The following KIRREL3 variants were observed in gnomAD, a reference collection of about 807,000 sequenced individuals.
KIRREL3 encodes kin of IRRE-like protein 3.
Under a neutral mutation model 89.7 loss-of-function variants are expected in KIRREL3, and 36 were observed. The observed-to-expected ratio is 0.40, with a 90% CI of 0.31 to 0.53. The LOEUF (loss-of-function observed/expected upper bound fraction) is 0.53, where lower values mean the gene tolerates loss of function less well. KIRREL3 is among the 20% of genes least tolerant of loss of function. The pLI, the probability that KIRREL3 is intolerant of heterozygous loss-of-function variation, is 0.49. For missense variants in KIRREL3, 864 were observed against 1,056.6 expected (o/e 0.82, Z 2.53); for synonymous variants, 445 against 441.4 (o/e 1.01, Z -0.10).
chr11:126,948,463 C>T lies in KIRREL3; in HGVS notation c.55+51992G>A, dbSNP rs1290020274. Reference sequence around the variant, plus strand: ...AGAACAGCGGGGTAGACTAGAAATACTATGCAGGGACTCTTGTTCATAGTG... The same window carrying T: ...AGAACAGCGGGGTAGACTAGAAATATTATGCAGGGACTCTTGTTCATAGTG... On this transcript the variant is annotated intron_variant, in intron 1 of 16. Coordinates refer to ENST00000525144, the MANE Select transcript of KIRREL3 (RefSeq NM_032531.4). The surrounding 1 kb of genome is among the most constrained non-coding windows in gnomAD (Gnocchi z 4.5). Among the ~76,000 whole-genome samples, 7 of 152,256 alleles carry T rather than the reference C, an allele frequency of 4.6e-5. No homozygotes were observed. Among genetic ancestry groups the T allele is most frequent in the Non-Finnish European group, 1.0e-4 (7 of 68,024 alleles).
chr11:126,448,565 T>C (rs1745146178), intron 8 of KIRREL3, among the ~76,000 whole-genome samples: 1 of 152,168 alleles, frequency 6.6e-6, no homozygotes, highest in African/African-American at 2.4e-5. Context: ...GAGGAGGAGC[T>C]TTGCAGGGGC....
intron 1 of KIRREL3, among the ~76,000 whole-genome samples, chr11:126,660,554 A>ATTAT (rs1945350161): frequency 2.0e-5 from 3 of 152,304 alleles, no homozygotes; most frequent in African/African-American, 7.2e-5. Context: ...CCAGGAAGGG[A>ATTAT]ACCCATTGCC....
Position 126,456,491 on chromosome 11 carries a change from A to G in KIRREL3, c.743-37T>C, listed in dbSNP as rs1166976807. ...GGAGAGTCACTTGTAGACCGGAGAA[A>G]GAATGGGGGCAGGGAGATCCTGGGC... On this transcript the variant is annotated intron_variant, in intron 6 of 16. Coordinates refer to ENST00000525144, the MANE Select transcript of KIRREL3 (RefSeq NM_032531.4). The G allele has an allele frequency of 4.4e-6, 6 of 1,358,556 alleles. No individual in the cohort carries two copies. The South Asian group carries it at 5.0e-5, about 11-fold the overall frequency. The allele number at this position is 1,358,556 out of a possible 1,614,324, so 84.2% of individuals were successfully genotyped here.
At position 126,687,737 on chromosome 11, in the gene KIRREL3, G is replaced by A. The variant is rs960928394; in HGVS notation, c.56-124825C>T. On this transcript the variant is annotated intron_variant, in intron 1 of 16. Transcript: ENST00000525144. The surrounding 1 kb of genome is among the most constrained non-coding windows in gnomAD (Gnocchi z 4.6). ...GGGATACAAAGATAAGTGCTCTGAG[G>A]CCCCTATTCTCAGAGTGCTCAGTCC... 6.6e-6 allele frequency among the ~76,000 whole-genome samples: 1 copy of A among 152,178 alleles called. No individual in the cohort carries two copies. Among genetic ancestry groups the A allele is most frequent in the Non-Finnish European group, 1.5e-5 (1 of 68,034 alleles).
At chr11:126,707,775 A>G (rs552445749) in intron 1 of KIRREL3, among the ~76,000 whole-genome samples, 1 of 151,702 alleles carries the variant, frequency 6.6e-6, no homozygotes, top group Admixed American at 6.5e-5. Context: ...TTTCTCCCAG[A>G]CTAGAAAAAT....
At chr11:126,887,972 G>A (rs918155625) in intron 1 of KIRREL3, among the ~76,000 whole-genome samples, 4 of 152,138 alleles carry the variant, frequency 2.6e-5, no homozygotes, top group African/African-American at 9.7e-5. Flanking sequence ...CTCAGTGAGT[G>A]GTCTTGGGCA....
chr11:126,844,669 C>A lies in KIRREL3; in HGVS notation c.55+155786G>T, dbSNP rs1317475623. Among the ~76,000 whole-genome samples, 1 of 152,152 alleles carries A rather than the reference C, an allele frequency of 6.6e-6. No homozygotes were observed. Among genetic ancestry groups the A allele is most frequent in the Non-Finnish European group, 1.5e-5 (1 of 68,008 alleles). ...AAGATTTAGGGAATTAGAGGCCTCT[C>A]TTGGTAAAGTCTCTCTCAGCTAAGA... On this transcript the variant is annotated intron_variant, in intron 1 of 16. Coordinates refer to ENST00000525144, the MANE Select transcript of KIRREL3 (RefSeq NM_032531.4). The surrounding 1 kb of genome is among the most constrained non-coding windows in gnomAD (Gnocchi z 4.8).
Position 126,563,565 on chromosome 11 carries a change from C to T in KIRREL3, c.56-653G>A, listed in dbSNP as rs78903565. On this transcript the variant is annotated intron_variant, in intron 1 of 16. Coordinates refer to ENST00000525144, the MANE Select transcript of KIRREL3 (RefSeq NM_032531.4). The surrounding 1 kb of genome is among the most constrained non-coding windows in gnomAD (Gnocchi z 6.8). ...CCCAATTTAGCACCATCATCAAGCA[C>T]TTATGAAATGTAGACTTAGAGCACA... Among the ~76,000 whole-genome samples the T allele has an allele frequency of 0.012, 1,825 of 152,256 alleles. 36 individuals are homozygous for T. Among genetic ancestry groups the T allele is most frequent in the African/African-American group, 0.041 (1,721 of 41,532 alleles).
At chr11:126,618,130 C>T (rs997690572) in intron 1 of KIRREL3, among the ~76,000 whole-genome samples, 8 of 152,214 alleles carry the variant, frequency 5.3e-5, no homozygotes, top group East Asian at 1.9e-4. Context: ...CCCCACTCCC[C>T]TCTCCTCCTG....
At chr11:126,840,210 C>T (rs891541034) in intron 1 of KIRREL3, among the ~76,000 whole-genome samples, 7 of 152,128 alleles carry the variant, frequency 4.6e-5, no homozygotes, top group Non-Finnish European at 2.9e-5. Context: ...GCATCTCATG[C>T]ATATTTCAAC....
chr11:126,626,481 T>C (rs1437316193), intron 1 of KIRREL3, among the ~76,000 whole-genome samples: 1 of 152,204 alleles, frequency 6.6e-6, no homozygotes, highest in East Asian at 1.9e-4. Context: ...AGCAGAGGTC[T>C]GGAGGGCTCC....
rs962267460 is a variant in KIRREL3 at position 126,428,288 on chromosome 11, G to A, written c.1806+891C>T. ...TGCTGCCTCCACTCCAACATGTTAC[G>A]ACCGAGGCAACCAGAAACTTCTAGC... On this transcript the variant is annotated intron_variant, in intron 15 of 16. Coordinates refer to ENST00000525144, the MANE Select transcript of KIRREL3 (RefSeq NM_032531.4). This position sits in a 1 kb window ranked among gnomAD's most constrained non-coding sequence, Gnocchi z 6.4. Among the ~76,000 whole-genome samples the A allele has an allele frequency of 6.6e-6, 1 of 152,096 alleles. No individual in the cohort carries two copies. Among genetic ancestry groups the A allele is most frequent in the African/African-American group, 2.4e-5 (1 of 41,400 alleles).
intron 1 of KIRREL3, among the ~76,000 whole-genome samples, chr11:126,822,880 C>A (rs1236576765): frequency 6.6e-6 from 1 of 152,086 alleles, no homozygotes; most frequent in Non-Finnish European, 1.5e-5. Flanking sequence ...CACACCTGCA[C>A]CAGGAAACTC....
At position 126,614,719 on chromosome 11, in the gene KIRREL3, C is replaced by T. The variant is rs533543239; in HGVS notation, c.56-51807G>A. Among the ~76,000 whole-genome samples the T allele has an allele frequency of 3.3e-5, 5 of 152,248 alleles. No individual in the cohort carries two copies. In the South Asian group the frequency reaches 6.2e-4, roughly 19 times the overall value. On this transcript the variant is annotated intron_variant, in intron 1 of 16. Transcript: ENST00000525144. The surrounding 1 kb of genome is among the most constrained non-coding windows in gnomAD (Gnocchi z 4.6). ...GAGATGTATTTGCAGACAAGTGGGC[C>T]GCAATCACAGGATTGTGATTCTGTG...
chr11:126,870,394 T>G lies in KIRREL3; in HGVS notation c.55+130061A>C, dbSNP rs1308346041. On this transcript the variant is annotated intron_variant, in intron 1 of 16. Transcript: ENST00000525144. The surrounding 1 kb of genome is among the most constrained non-coding windows in gnomAD (Gnocchi z 4.4). Reference sequence around the variant, plus strand: ...TGGCTGGAGGTCCCATCCAGTCAAGTGGCTCGCCACTTAGGTCTGAACCAA... The same window carrying G: ...TGGCTGGAGGTCCCATCCAGTCAAGGGGCTCGCCACTTAGGTCTGAACCAA... 1.3e-5 allele frequency among the ~76,000 whole-genome samples: 2 copies of G among 152,216 alleles called. No homozygotes were observed. The highest frequency in any genetic ancestry group is 2.9e-5 in the Non-Finnish European group (2 of 68,026).
At chr11:126,468,206 TG>T (rs1294248861) in intron 5 of KIRREL3, among the ~76,000 whole-genome samples, 2 of 152,128 alleles carry the variant, frequency 1.3e-5, no homozygotes, top group African/African-American at 4.8e-5. Flanking sequence ...TGTGTGGACT[TG>T]GGGGCTTTCC....
chr11:126,582,281 T>G (rs1277887437), intron 1 of KIRREL3, among the ~76,000 whole-genome samples: 3 of 152,238 alleles, frequency 2.0e-5, no homozygotes, highest in Admixed American at 1.3e-4. Context: ...CCTGCCATTG[T>G]GCATTGCAAG....
At position 126,642,965 on chromosome 11, in the gene KIRREL3, T is replaced by C. The variant is rs185142369; in HGVS notation, c.56-80053A>G. The stretch of plus-strand genomic sequence containing the variant: ...AAGTAAAAGGGTAAAAAAAAGGTAC[T>C]TTGGCCTCCCTTCTTCCCTCCCATC... On this transcript the variant is annotated intron_variant, in intron 1 of 16. Coordinates refer to ENST00000525144, the MANE Select transcript of KIRREL3 (RefSeq NM_032531.4). The surrounding 1 kb of genome is among the most constrained non-coding windows in gnomAD (Gnocchi z 4.9). Among the ~76,000 whole-genome samples the C allele has an allele frequency of 1.3e-3, 186 of 144,930 alleles. 1 individual carries two copies. The highest frequency in any genetic ancestry group is 4.7e-3 in the African/African-American group (181 of 38,400).
chr11:126,481,406 T>C (rs935922457), intron 4 of KIRREL3, among the ~76,000 whole-genome samples: 3 of 152,166 alleles, frequency 2.0e-5, no homozygotes, highest in African/African-American at 7.2e-5. Flanking sequence ...GCTGACGAAT[T>C]CCAAAGAAGC....
Sources: allele counts gnomAD v4.1 joint callset (sites outside exome capture counted in the v4.1 genomes callset), GRCh38; gene constraint gnomAD v4.1.1; non-coding constraint Gnocchi (gnomAD v3.1); transcripts MANE v1.5; gene names NCBI Gene and HGNC (gene_info 2026-07-23, HGNC 2026-07-21).